The following TTC4 variants were observed in gnomAD, a reference collection of about 807,000 sequenced individuals.
The protein encoded by TTC4 is tetratricopeptide repeat domain 4.
In TTC4, 36 loss-of-function variants were observed where a neutral mutation model predicts 51.9. The observed-to-expected ratio is 0.69, with a 90% confidence interval of 0.53 to 0.92. The LOEUF (loss-of-function observed/expected upper bound fraction) is 0.92, where lower values mean the gene tolerates loss of function less well. Among genes scored for constraint, TTC4 ranks in the 40% least tolerant of loss-of-function variants. TTC4 has a pLI of 0.00. For synonymous variants in TTC4, 144 were observed against 164.2 expected, an observed-to-expected ratio of 0.88 and a Z score of 0.94; for missense variants, 399 against 454.6, an observed-to-expected ratio of 0.88 and a Z score of 1.11.
At chr1:54,729,372 T>G (rs1645838305) in intron 6 of TTC4, among the ~76,000 whole-genome samples, 2 of 152,218 alleles carry the variant, frequency 1.3e-5, no homozygotes, top group Non-Finnish European at 1.5e-5. Flanking sequence ...TTGGGTTAAG[T>G]GTTATTTAAG....
chr1:54,740,139 C>T (rs1645994353), intron 9 of TTC4, among the ~76,000 whole-genome samples: 1 of 152,174 alleles, frequency 6.6e-6, no homozygotes, highest in South Asian at 2.1e-4. Context: ...CACACCACTG[C>T]ACTCCAGCCT....
At chr1:54,737,939 C>T (rs1421333894) in intron 9 of TTC4, among the ~76,000 whole-genome samples, 1 of 151,984 alleles carries the variant, frequency 6.6e-6, no homozygotes, top group Non-Finnish European at 1.5e-5. Context: ...TTGCTCTTGT[C>T]GCCCAGGCTG....
chr1:54,737,423 C>T lies in TTC4; in HGVS notation c.979-159C>T, dbSNP rs145603846. On this transcript the variant is annotated intron_variant, in intron 8 of 9. Transcript: ENST00000371281. ...AATAGCCTCTTTTACAGTGGCATGG[C>T]GGGGGGGTACTAAATGCAAAGCACC... 365 of 587,006 alleles carry T rather than the reference C, an allele frequency of 6.2e-4. 2 individuals are homozygous for T. The highest frequency in any genetic ancestry group is 5.4e-3 in the African/African-American group (289 of 53,380). 36.4% of individuals were successfully genotyped at this position (587,006 alleles called of 1,614,324 possible).
Position 54,722,905 on chromosome 1 carries a change from A to C in TTC4, c.594+106A>C, listed in dbSNP as rs1265468239. On this transcript the variant is annotated intron_variant, in intron 5 of 9. Transcript: ENST00000371281. ...GTAAACTTTTTAAAAACAAAACCCAAAACTAGTCCCTACTCCTGGAACTCT... is the reference window on the plus strand; with the variant it reads ...GTAAACTTTTTAAAAACAAAACCCACAACTAGTCCCTACTCCTGGAACTCT... 4 of 1,452,012 alleles carry C rather than the reference A, an allele frequency of 2.8e-6. No individual in the cohort carries two copies. The Admixed American group carries it at 8.9e-5, about 32-fold the overall frequency. 89.9% of individuals were successfully genotyped at this position (1,452,012 alleles called of 1,614,324 possible).
chr1:54,722,755 GAGA>G lies in TTC4; in HGVS notation c.556_558del (p.Lys186del), dbSNP rs757653995. ...TGAGGGACTGCAAATAGATGCCAAA[GAGA>G]AGAAGCTTCTGGAAATGAGGGCTAA... On this transcript the variant is annotated inframe_deletion, in exon 5 of 10. Coordinates refer to ENST00000371281, the MANE Select transcript of TTC4 (RefSeq NM_004623.5). 1.9e-6 allele frequency: 3 copies of G among 1,614,028 alleles called. No individual in the cohort carries two copies. The highest frequency in any genetic ancestry group is 3.3e-5 in the Admixed American group (2 of 60,006).
In TTC4 at chr1:54,717,494, C is replaced by G; in HGVS notation, c.232C>G (p.Gln78Glu). 1 of 1,536,860 alleles carries G rather than the reference C, an allele frequency of 6.5e-7. No homozygotes were observed. The highest frequency in any genetic ancestry group is 1.3e-5 in the South Asian group (1 of 76,296). Residue 78 changes from glutamine to glutamate, a missense_variant and splice_region_variant, in exon 3 of 10, where the codon CAG becomes GAG. Gln to Glu is a conservative substitution (Grantham distance 29). Around this residue, in one of 3 missense-constraint regions of TTC4, gnomAD observed 316 missense variants for 349.6 expected, o/e 0.90. Coordinates refer to ENST00000371281, the MANE Select transcript of TTC4 (RefSeq NM_004623.5). ...ATTATTTTTCCTCTTCTTTGCAGAA[C>G]AGGCCAAGACCTATAAAGATGAGGG... ...IFDEERSPEE[Q>E]AKTYKDEGND...
At chr1:54,720,244 G>A (rs1645727301) in intron 3 of TTC4, among the ~76,000 whole-genome samples, 1 of 152,074 alleles carries the variant, frequency 6.6e-6, no homozygotes, top group Admixed American at 6.6e-5. Flanking sequence ...GAAGAAGAAT[G>A]TGCAGTAGAC....
chr1:54,727,385 C>T (rs1645812906), intron 5 of TTC4, among the ~76,000 whole-genome samples: 4 of 152,044 alleles, frequency 2.6e-5, no homozygotes, highest in Admixed American at 6.6e-5. Context: ...AATGTAAGAG[C>T]TAAGACTATA....
In TTC4 at chr1:54,742,310, T is replaced by C. The variant is rs11803547; in HGVS notation, c.*797T>C. ...CTAAGAGGAGTTTATCCATCCTGAC[T>C]TGTAGCTGTGTGACTTCTTGCAGTG... On this transcript the variant is annotated 3_prime_UTR_variant, in exon 10 of 10. Coordinates refer to ENST00000371281, the MANE Select transcript of TTC4 (RefSeq NM_004623.5). The C allele has an allele frequency of 0.12, 18,040 of 152,514 alleles. 1,766 individuals are homozygous for C. Among genetic ancestry groups the C allele is most frequent in the African/African-American group, 0.26 (10,903 of 41,498 alleles). 9.4% of individuals were successfully genotyped at this position (152,514 alleles called of 1,614,324 possible). A position where few individuals can be genotyped will look rare whatever the true frequency, so the allele number is the denominator to read the frequency against.
intron 9 of TTC4, among the ~76,000 whole-genome samples, chr1:54,739,798 C>A (rs530849459): frequency 3.3e-5 from 5 of 152,194 alleles, no homozygotes; most frequent in African/African-American, 1.2e-4. Flanking sequence ...GGGCCATACA[C>A]GAAGGCCTGA....
In TTC4 at chr1:54,731,624, C is replaced by G; in HGVS notation, c.820C>G (p.Leu274Val). The stretch of plus-strand genomic sequence containing the variant: ...GCTGAGTCTAGATGGCCAGGGCAGG[C>G]TGAGCTGGCCTGTGCTCTTTCTGTA... ...ARLSLDGQGR[L>V]SWPVLFLYPE... Residue 274 changes from leucine to valine, a missense_variant, in exon 7 of 10, where the codon CTG becomes GTG. Leu to Val is a conservative substitution (Grantham distance 32). This residue lies in a region of TTC4 where 316 missense variants were observed against 349.6 expected (regional missense o/e 0.90). Transcript: ENST00000371281. 4 of 1,614,106 alleles carry G rather than the reference C, an allele frequency of 2.5e-6. No homozygotes were observed. The highest frequency in any genetic ancestry group is 3.4e-6 in the Non-Finnish European group (4 of 1,180,024).
In TTC4 at chr1:54,738,661, C is replaced by CTTTTTTTTTTT. The variant is rs567268643; in HGVS notation, c.1061+1001_1061+1011dup. On this transcript the variant is annotated intron_variant, in intron 9 of 9. Transcript: ENST00000371281. ...TGTACATGAAGGCTGCTAGGATGGC[C>CTTTTTTTTTTT]TTTTTTTTTTTTTTGAGACGACATC... Among the ~76,000 whole-genome samples, 45 of 138,832 alleles carry CTTTTTTTTTTT rather than the reference C, an allele frequency of 3.2e-4. 1 individual carries two copies. The highest frequency in any genetic ancestry group is 6.6e-4 in the African/African-American group (24 of 36,276). 91.1% of individuals were successfully genotyped at this position (138,832 alleles called of 152,430 possible).
At chr1:54,734,037 G>T (rs1388709387) in intron 8 of TTC4, among the ~76,000 whole-genome samples, 1 of 151,878 alleles carries the variant, frequency 6.6e-6, no homozygotes, top group Non-Finnish European at 1.5e-5. Context: ...TGTCTTCAAG[G>T]TTCATTACAT....
chr1:54,718,513 T>G (rs1437543622), intron 3 of TTC4, among the ~76,000 whole-genome samples: 1 of 152,106 alleles, frequency 6.6e-6, no homozygotes, highest in Non-Finnish European at 1.5e-5. Context: ...TCCCAAAGTA[T>G]TGGAATTACA....
At chr1:54,730,280 C>CTTT (rs746084756) in intron 6 of TTC4, among the ~76,000 whole-genome samples, 2 of 133,178 alleles carry the variant, frequency 1.5e-5, no homozygotes, top group African/African-American at 2.8e-5. Flanking sequence ...TGCATAAATC[C>CTTT]TTTTTTTTTT....
At chr1:54,719,028 C>G (rs1645710543) in intron 3 of TTC4, among the ~76,000 whole-genome samples, 2 of 152,004 alleles carry the variant, frequency 1.3e-5, no homozygotes, top group South Asian at 4.2e-4. Context: ...ACTTTGGGAA[C>G]CAAGTAGGAG....
chr1:54,736,300 CT>C (rs11292048), intron 8 of TTC4, among the ~76,000 whole-genome samples: 146,342 of 147,756 alleles, frequency 0.99, 72,480 homozygotes, highest in East Asian at 1. Flanking sequence ...ATCTCCAACT[CT>C]TAATTCAACA....
chr1:54,736,082 C>T (rs1035212170), intron 8 of TTC4, among the ~76,000 whole-genome samples: 3 of 150,066 alleles, frequency 2.0e-5, no homozygotes, highest in African/African-American at 2.5e-5. Context: ...ATAAGTGTAT[C>T]GATTAATACA....
chr1:54,739,804 C>A (rs1017553923), intron 9 of TTC4, among the ~76,000 whole-genome samples: 5 of 152,172 alleles, frequency 3.3e-5, no homozygotes, highest in Admixed American at 6.5e-5. Context: ...TACACGAAGG[C>A]CTGAATGCCC....
Sources: allele counts gnomAD v4.1 joint callset (sites outside exome capture counted in the v4.1 genomes callset), GRCh38; gene constraint gnomAD v4.1.1; regional missense constraint gnomAD v4.1.1; transcripts MANE v1.5; gene names NCBI Gene and HGNC (gene_info 2026-07-23, HGNC 2026-07-21).